Variants in NTM observed in about 807,000 individuals in gnomAD.
NTM encodes the protein neurotrimin, also known as IgLON family member 2.
NTM carries 13 observed loss-of-function variants against 42.1 expected under a neutral mutation model. The ratio of observed to expected loss-of-function variants is 0.31; its 90% CI spans 0.20 to 0.49. NTM has a LOEUF of 0.49. Among genes scored for constraint, NTM ranks in the 20% least tolerant of loss-of-function variants. The pLI is 0.99. For synonymous variants in NTM, 187 were observed against 179.2 expected (o/e 1.04, Z -0.35); for missense variants, 373 against 452.8 (o/e 0.82, Z 1.60).
chr11:131,929,872 G>T (rs79219303), intron 2 of NTM, among the ~76,000 whole-genome samples: 2 of 152,174 alleles, frequency 1.3e-5, no homozygotes, highest in Non-Finnish European at 2.9e-5. Flanking sequence ...ATGGTCCTGC[G>T]ATGGCTGAAA....
chr11:131,651,512 G>A (rs1037364223), intron 1 of NTM, among the ~76,000 whole-genome samples: 2 of 152,176 alleles, frequency 1.3e-5, no homozygotes. Context: ...CTCGGGACTA[G>A]TGCATTTAAA....
At chr11:131,490,963 T>C (rs1263826371) in intron 1 of NTM, among the ~76,000 whole-genome samples, 1 of 152,212 alleles carries the variant, frequency 6.6e-6, no homozygotes. Context: ...ATGTGTCTAC[T>C]GCCTACAATG....
intron 1 of NTM, among the ~76,000 whole-genome samples, chr11:131,462,082 C>G (rs1312067529): frequency 6.6e-6 from 1 of 152,196 alleles, no homozygotes; most frequent in Non-Finnish European, 1.5e-5. Flanking sequence ...CAGCAAAATA[C>G]TACTCAGCAA....
At chr11:131,609,378 A>C (rs2061288599) in intron 1 of NTM, among the ~76,000 whole-genome samples, 1 of 152,224 alleles carries the variant, frequency 6.6e-6, no homozygotes, top group African/African-American at 2.4e-5. Flanking sequence ...ATTTAAACCC[A>C]GACAGGACTG....
chr11:131,884,908 C>A (rs893591194), intron 1 of NTM, among the ~76,000 whole-genome samples: 2 of 152,212 alleles, frequency 1.3e-5, no homozygotes, highest in Admixed American at 1.3e-4. Flanking sequence ...GTGCATTCAA[C>A]CTTCACAGCA....
chr11:131,744,492 A>G (rs999997648), intron 1 of NTM, among the ~76,000 whole-genome samples: 2 of 152,200 alleles, frequency 1.3e-5, no homozygotes, highest in Admixed American at 6.5e-5. Flanking sequence ...GGGGGAAAGT[A>G]TCTCCCAATT....
At chr11:131,760,783 G>C (rs1253688615) in intron 1 of NTM, among the ~76,000 whole-genome samples, 2 of 152,116 alleles carry the variant, frequency 1.3e-5, no homozygotes, top group Non-Finnish European at 2.9e-5. Context: ...GGGTCGCCGG[G>C]GTGACTAAAG....
chr11:131,865,707 C>T (rs1207027290), intron 1 of NTM, among the ~76,000 whole-genome samples: 1 of 143,802 alleles, frequency 7.0e-6, no homozygotes, highest in Non-Finnish European at 1.5e-5. Context: ...ACAGACACCC[C>T]ACACACTGAC....
At chr11:132,079,189 A>C (rs1371183246) in intron 2 of NTM, among the ~76,000 whole-genome samples, 1 of 152,190 alleles carries the variant, frequency 6.6e-6, no homozygotes, top group South Asian at 2.1e-4. Flanking sequence ...AATAATGAAA[A>C]TAATGATACT....
intron 3 of NTM, among the ~76,000 whole-genome samples, chr11:132,176,722 G>GTTTTT (rs148699196): frequency 0.017 from 1,389 of 81,996 alleles, 176 homozygotes; most frequent in Non-Finnish European, 0.018. Context: ...CATGCCTAAA[G>GTTTTT]TTTTTTTTTT....
At chr11:132,182,860 G>A (rs532422398) in intron 3 of NTM, among the ~76,000 whole-genome samples, 1 of 152,086 alleles carries the variant, frequency 6.6e-6, no homozygotes, top group African/African-American at 2.4e-5. Context: ...CAGGAACACA[G>A]ACCACCTCAT....
intron 7 of NTM, among the ~76,000 whole-genome samples, chr11:132,323,615 CATTCCTTCTGAA>C (rs2136315523): frequency 6.6e-6 from 1 of 152,236 alleles, no homozygotes; most frequent in African/African-American, 2.4e-5. Flanking sequence ...GAACTGGTAC[CATTCCTTCTGAA>C]ATTATTCTAA....
chr11:131,839,230 G>A (rs897328393), intron 1 of NTM, among the ~76,000 whole-genome samples: 2 of 152,184 alleles, frequency 1.3e-5, no homozygotes, highest in African/African-American at 2.4e-5. Flanking sequence ...CCAAAGTGCC[G>A]GAATTACAGG....
intron 1 of NTM, among the ~76,000 whole-genome samples, chr11:131,373,594 C>CGG (rs1402196403): frequency 1.3e-5 from 2 of 151,830 alleles, no homozygotes; most frequent in Non-Finnish European, 2.9e-5. Flanking sequence ...GGAGGCATCT[C>CGG]GTTGCCGGGA....
At chr11:132,196,848 G>C (rs1282798730) in intron 3 of NTM, among the ~76,000 whole-genome samples, 1 of 152,110 alleles carries the variant, frequency 6.6e-6, no homozygotes, top group African/African-American at 2.4e-5. Context: ...TGGGTGACTG[G>C]ATCATTAATA....
intron 1 of NTM, among the ~76,000 whole-genome samples, chr11:131,723,312 T>C (rs2078586829): frequency 6.6e-6 from 1 of 152,234 alleles, no homozygotes; most frequent in Admixed American, 6.5e-5. Flanking sequence ...TGATGATGGA[T>C]GGGAGAGTGT....
chr11:131,770,803 C>T (rs2085953781), intron 1 of NTM: 1 of 152,196 alleles, frequency 6.6e-6, no homozygotes. Context: ...CCAGCTTCCT[C>T]ACTCTCATTT....
chr11:132,095,749 T>C (rs562940631), intron 2 of NTM, among the ~76,000 whole-genome samples: 1 of 152,328 alleles, frequency 6.6e-6, no homozygotes, highest in South Asian at 2.1e-4. Flanking sequence ...TGTATCATCA[T>C]GCAGCGTGAT....
At chr11:131,818,758 G>A (rs553826542) in intron 1 of NTM, among the ~76,000 whole-genome samples, 3 of 152,196 alleles carry the variant, frequency 2.0e-5, no homozygotes, top group South Asian at 2.1e-4. Flanking sequence ...TACACTTACC[G>A]ATCATCTGAG....
Sources: gnomAD v4.1 joint callset for allele counts (sites outside exome capture counted in the v4.1 genomes callset) on GRCh38, gnomAD v4.1.1 for gene constraint, MANE v1.5 for transcripts, NCBI Gene and HGNC (gene_info 2026-07-23, HGNC 2026-07-21) for gene names.